ZNF592: variants seen among roughly 807,000 people sequenced by gnomAD.
ZNF592 encodes zinc finger protein 592.
ZNF592 carries 11 observed loss-of-function variants against 80.3 expected under a neutral mutation model. That is an observed-to-expected ratio of 0.14 (90% CI 0.09 to 0.23). The LOEUF (loss-of-function observed/expected upper bound fraction) is 0.23, where lower values mean the gene tolerates loss of function less well. ZNF592 is among the 10% of genes least tolerant of loss of function. ZNF592 has a pLI of 1.00. For synonymous variants in ZNF592, 646 were observed against 640.3 expected (o/e 1.01, Z -0.13); for missense variants, 1,420 against 1,633.9 (o/e 0.87, Z 2.26).
chr15:84,761,638 A>T (rs1222878926), intron 1 of ZNF592, among the ~76,000 whole-genome samples: 1 of 152,200 alleles, frequency 6.6e-6, no homozygotes. Context: ...GTCTGGGGGT[A>T]AGCAGGCAAT....
Position 84,804,778 on chromosome 15 carries a change from G to A in ZNF592, c.*2385G>A, listed in dbSNP as rs573936802. 1 of 152,206 alleles carries A rather than the reference G, an allele frequency of 6.6e-6. No individual in the cohort carries two copies. Among genetic ancestry groups the A allele is most frequent in the Admixed American group, 6.5e-5 (1 of 15,280 alleles). 9.4% of individuals were successfully genotyped at this position (152,206 alleles called of 1,614,324 possible). A position where few individuals can be genotyped will look rare whatever the true frequency, so the allele number is the denominator to read the frequency against. ...AGTTATGAAGTGGCCCAGACACCTA[G>A]CCATTCTTTAGTAAGAGTGAAGATA... On this transcript the variant is annotated 3_prime_UTR_variant, in exon 11 of 11. Transcript: ENST00000560079.
In ZNF592 at chr15:84,783,501, C is replaced by G. The variant is rs773956984; in HGVS notation, c.826C>G (p.Pro276Ala). 2.5e-6 allele frequency: 4 copies of G among 1,614,216 alleles called. No individual in the cohort carries two copies. Among genetic ancestry groups the G allele is most frequent in the Non-Finnish European group, 2.5e-6 (3 of 1,180,044 alleles). ...AGTCCCCCCTAGGCAGCGTCTAAAG[C>G]CAGCTCATTCCAAGCTGTCCTCTTG... ...SSVPPRQRLK[P>A]AHSKLSSCVA... The change falls in exon 4 of 11, where the codon CCA becomes GCA. Residue 276 changes from proline (P) to alanine (A), a missense_variant. Pro to Ala is a conservative substitution (Grantham distance 27, BLOSUM62 -1). This residue lies in a region of ZNF592 where 373 missense variants were observed against 355.5 expected (regional missense o/e 1.05). Transcript: ENST00000560079. This position sits in a 1 kb window ranked among gnomAD's most constrained non-coding sequence, Gnocchi z 5.0.
intron 2 of ZNF592, among the ~76,000 whole-genome samples, chr15:84,767,768 G>A (rs1257839790): frequency 6.6e-6 from 1 of 151,946 alleles, no homozygotes; most frequent in Non-Finnish European, 1.5e-5. Context: ...CAGCTTTATT[G>A]AGATATAATT....
At chr15:84,757,763 A>G (rs1263288076) in intron 1 of ZNF592, among the ~76,000 whole-genome samples, 2 of 151,194 alleles carry the variant, frequency 1.3e-5, no homozygotes, top group Admixed American at 6.6e-5. Context: ...GGTTCAAGCA[A>G]TTCTCCTGCC....
intron 4 of ZNF592, among the ~76,000 whole-genome samples, chr15:84,788,484 C>T (rs1198316504): frequency 6.6e-6 from 1 of 152,134 alleles, no homozygotes; most frequent in African/African-American, 2.4e-5. Flanking sequence ...TTTTAATTAA[C>T]AGTTCTCAGA....
At chr15:84,767,933 A>G (rs1172252347) in intron 2 of ZNF592, among the ~76,000 whole-genome samples, 1 of 150,906 alleles carries the variant, frequency 6.6e-6, no homozygotes, top group Non-Finnish European at 1.5e-5. Flanking sequence ...CTGGAGTGCA[A>G]TGGTGCAATC....
intron 1 of ZNF592, among the ~76,000 whole-genome samples, chr15:84,749,327 G>C (rs1158472600): frequency 6.6e-6 from 1 of 152,220 alleles, no homozygotes; most frequent in Admixed American, 6.5e-5. Context: ...AGTGTGACCT[G>C]AGGGAGGACA....
intron 3 of ZNF592, among the ~76,000 whole-genome samples, chr15:84,780,168 G>C (rs530332579): frequency 6.6e-6 from 1 of 151,986 alleles, no homozygotes; most frequent in South Asian, 2.1e-4. Context: ...TGTATTTTTA[G>C]TAGAGATGAG....
intron 3 of ZNF592, among the ~76,000 whole-genome samples, chr15:84,781,728 C>T (rs1962426527): frequency 6.6e-6 from 1 of 152,136 alleles, no homozygotes; most frequent in Admixed American, 6.5e-5. Flanking sequence ...TTTTTCTTCT[C>T]CCTCCAGCAG....
Position 84,798,093 on chromosome 15 carries a change from A to G in ZNF592, c.2576+48A>G, listed in dbSNP as rs535708304. On this transcript the variant is annotated intron_variant, in intron 6 of 10. Coordinates refer to ENST00000560079, the MANE Select transcript of ZNF592 (RefSeq NM_014630.3). The surrounding 1 kb of genome is among the most constrained non-coding windows in gnomAD (Gnocchi z 4.5). ...CAGGCCCTGTGGAGCAGAGAGGAGTAGCCTGGGTGCTGTAGGGGGTGGCAT... is the reference window on the plus strand; with the variant it reads ...CAGGCCCTGTGGAGCAGAGAGGAGTGGCCTGGGTGCTGTAGGGGGTGGCAT... The G allele has an allele frequency of 1.1e-5, 18 of 1,606,112 alleles. No homozygotes were observed. The South Asian group carries it at 2.0e-4, about 18-fold the overall frequency.
At position 84,799,769 on chromosome 15, in the gene ZNF592, G is replaced by T; in HGVS notation, c.3138-73G>T. ...TCTGCTCCAGACTCCCTCCTTCCTG[G>T]CCTTGGTGTGAATAGCACTGAGGGA... On this transcript the variant is annotated intron_variant, in intron 9 of 10. Coordinates refer to ENST00000560079, the MANE Select transcript of ZNF592 (RefSeq NM_014630.3). The surrounding 1 kb of genome is among the most constrained non-coding windows in gnomAD (Gnocchi z 4.2). The T allele has an allele frequency of 6.2e-7, 1 of 1,605,148 alleles. No homozygotes were observed. The highest frequency in any genetic ancestry group is 1.1e-5 in the South Asian group (1 of 90,822).
At chr15:84,793,483 A>G (rs1482265217) in intron 5 of ZNF592, among the ~76,000 whole-genome samples, 2 of 152,222 alleles carry the variant, frequency 1.3e-5, no homozygotes, top group East Asian at 1.9e-4. Context: ...CAGTTTATCA[A>G]ACCTTTTTGT....
At chr15:84,749,005 C>G (rs926648571) in intron 1 of ZNF592, among the ~76,000 whole-genome samples, 1 of 152,134 alleles carries the variant, frequency 6.6e-6, no homozygotes, top group Non-Finnish European at 1.5e-5. Context: ...CCGGCGGCCC[C>G]CAGCCCGGGC....
At chr15:84,764,053 C>G (rs565792653) in intron 1 of ZNF592, among the ~76,000 whole-genome samples, 21 of 152,304 alleles carry the variant, frequency 1.4e-4, no homozygotes, top group Admixed American at 5.9e-4. Flanking sequence ...TGACCTCTTC[C>G]TACACTGCTA....
chr15:84,758,749 T>C (rs1427939001), intron 1 of ZNF592, among the ~76,000 whole-genome samples: 1 of 128,082 alleles, frequency 7.8e-6, no homozygotes, highest in Admixed American at 8.5e-5. Context: ...CCATCGCTAC[T>C]GAAAATCCAA....
intron 2 of ZNF592, among the ~76,000 whole-genome samples, chr15:84,768,867 C>T (rs546661117): frequency 6.6e-6 from 1 of 152,272 alleles, no homozygotes; most frequent in South Asian, 2.1e-4. Flanking sequence ...CATAATAAGC[C>T]CACTTGGGAA....
chr15:84,796,294 TAAA>T (rs781339991), intron 5 of ZNF592, among the ~76,000 whole-genome samples: 1 of 43,496 alleles, frequency 2.3e-5, no homozygotes, highest in African/African-American at 1.2e-4. Context: ...TATATATATA[TAAA>T]AAAACGAAGG....
intron 5 of ZNF592, among the ~76,000 whole-genome samples, chr15:84,797,379 A>G (rs1962948150): frequency 6.6e-6 from 1 of 152,062 alleles, no homozygotes; most frequent in African/African-American, 2.4e-5. Flanking sequence ...TGACCATAGC[A>G]TTGCCTGACT....
chr15:84,749,153 CT>C (rs1191947716), intron 1 of ZNF592, among the ~76,000 whole-genome samples: 7 of 152,264 alleles, frequency 4.6e-5, no homozygotes, highest in Admixed American at 6.5e-5. Context: ...CTCCCCTCCC[CT>C]GAGCCCAAGT....
Sources: allele counts gnomAD v4.1 joint callset (sites outside exome capture counted in the v4.1 genomes callset), GRCh38; gene constraint gnomAD v4.1.1; regional missense constraint gnomAD v4.1.1; non-coding constraint Gnocchi (gnomAD v3.1); transcripts MANE v1.5; gene names NCBI Gene and HGNC (gene_info 2026-07-23, HGNC 2026-07-21).